The following SLFN12L variants were observed in gnomAD, a reference collection of about 807,000 sequenced individuals.
SLFN12L encodes the protein schlafen family member 12-like.
Under a neutral mutation model 34.8 loss-of-function variants are expected in SLFN12L, and 34 were observed. That is an observed-to-expected ratio of 0.98 (90% CI 0.74 to 1.30). The LOEUF is 1.30. Among genes scored for constraint, SLFN12L ranks in the 50% most tolerant of loss-of-function variants. The pLI, the probability that SLFN12L is intolerant of heterozygous loss-of-function variation, is 0.00. For missense variants in SLFN12L, 703 were observed against 696.2 expected (o/e 1.01, Z -0.11); for synonymous variants, 259 against 247.5 (o/e 1.05, Z -0.44).
At position 35,472,325 on chromosome 17, in the gene SLFN12L, G is replaced by T. The variant is rs1456941203; in HGVS notation, c.*2598C>A. 6.6e-6 allele frequency among the ~76,000 whole-genome samples: 1 copy of T among 152,136 alleles called. No homozygotes were observed. The highest frequency in any genetic ancestry group is 1.5e-5 in the Non-Finnish European group (1 of 68,024). On this transcript the variant is annotated 3_prime_UTR_variant, in exon 5 of 5. Coordinates refer to ENST00000628453, the MANE Select transcript of SLFN12L (RefSeq NM_001363830.2). ...AATTTTTGTATAAGGTGTAAGGAAGGGATCCAGTTTCAGTTTTCTGCATAT... is the reference window on the plus strand; with the variant it reads ...AATTTTTGTATAAGGTGTAAGGAAGTGATCCAGTTTCAGTTTTCTGCATAT...
Position 35,490,928 on chromosome 17 carries a change from A to G in SLFN12L, c.87-10733T>C. The G allele has an allele frequency of 1.0e-5, 8 of 791,272 alleles. No individual in the cohort carries two copies. In the Admixed American group the frequency reaches 1.4e-4, roughly 14 times the overall value. The allele number at this position is 791,272 out of a possible 1,614,324, so 49.0% of individuals were successfully genotyped here. On this transcript the variant is annotated intron_variant, in intron 2 of 4. Transcript: ENST00000628453. Reference sequence around the variant, plus strand: ...AACAAACAACCAAGACCCCAATGGGAATATCCTTAAACCCACCTCGTTGGT... The same window carrying G: ...AACAAACAACCAAGACCCCAATGGGGATATCCTTAAACCCACCTCGTTGGT...
At chr17:35,506,679 C>T (rs1453833480) in intron 2 of SLFN12L, among the ~76,000 whole-genome samples, 17 of 152,224 alleles carry the variant, frequency 1.1e-4, no homozygotes, top group Admixed American at 1.0e-3. Context: ...TGCAATAAGC[C>T]GAGCATGTAG....
intron 2 of SLFN12L, among the ~76,000 whole-genome samples, chr17:35,481,343 G>A (rs1914329982): frequency 6.6e-6 from 1 of 152,228 alleles, no homozygotes; most frequent in South Asian, 2.1e-4. Flanking sequence ...CCATCTGGAG[G>A]CCTAACCGTC....
In SLFN12L at chr17:35,475,454, T is replaced by C; in HGVS notation, c.1308A>G (p.Lys436=). The C allele has an allele frequency of 6.2e-7, 1 of 1,611,484 alleles. No homozygotes were observed. The part of the protein sequence containing the change: ...GLSEKITCAP[K]TFCRNLFSQH... ...GTGAGAACAGATTTCTGCAGAAGGTTTTTGGAGCACAAGTTATCTTTTCTG... is the reference window on the plus strand; with the variant it reads ...GTGAGAACAGATTTCTGCAGAAGGTCTTTGGAGCACAAGTTATCTTTTCTG... The change falls in exon 5 of 5, where the codon AAA becomes AAG. Residue 436 remains lysine, a synonymous_variant. Coordinates refer to ENST00000628453, the MANE Select transcript of SLFN12L (RefSeq NM_001363830.2).
intron 2 of SLFN12L, among the ~76,000 whole-genome samples, chr17:35,521,699 A>T (rs1916000453): frequency 6.6e-6 from 1 of 152,128 alleles, no homozygotes; most frequent in African/African-American, 2.4e-5. Context: ...TGAGCTACAT[A>T]ATTGTTTTTA....
intron 2 of SLFN12L, among the ~76,000 whole-genome samples, chr17:35,489,511 G>C (rs1021989041): frequency 2.0e-5 from 3 of 152,070 alleles, no homozygotes; most frequent in African/African-American, 7.2e-5. Flanking sequence ...CCGTGATCAG[G>C]CTACTGCACT....
intron 2 of SLFN12L, among the ~76,000 whole-genome samples, chr17:35,513,255 A>C (rs1246588475): frequency 1.3e-5 from 2 of 152,278 alleles, no homozygotes; most frequent in Admixed American, 1.3e-4. Context: ...CACCTAGTCA[A>C]ATGTTCACTT....
At chr17:35,518,143 A>G (rs895201995) in intron 2 of SLFN12L, among the ~76,000 whole-genome samples, 2 of 152,228 alleles carry the variant, frequency 1.3e-5, no homozygotes, top group African/African-American at 4.8e-5. Flanking sequence ...GCAATCTACC[A>G]TCTGACAAAG....
At position 35,490,099 on chromosome 17, in the gene SLFN12L, C is replaced by T. The variant is rs368775777; in HGVS notation, c.87-9904G>A. On this transcript the variant is annotated intron_variant, in intron 2 of 4. Transcript: ENST00000628453. ...CCACCGGCCCCCTCCTCCCCAGTGCCCCAGGCGCGGAGCAGACCGCCGGCA... is the reference window on the plus strand; with the variant it reads ...CCACCGGCCCCCTCCTCCCCAGTGCTCCAGGCGCGGAGCAGACCGCCGGCA... 3.1e-5 allele frequency: 50 copies of T among 1,606,874 alleles called. No individual in the cohort carries two copies. The East Asian group carries it at 3.1e-4, about 10-fold the overall frequency.
At chr17:35,487,273 A>T (rs1281864410) in intron 2 of SLFN12L, among the ~76,000 whole-genome samples, 1 of 152,252 alleles carries the variant, frequency 6.6e-6, no homozygotes, top group Non-Finnish European at 1.5e-5. Context: ...TCCCCAGCCC[A>T]CGCACGGGCG....
intron 2 of SLFN12L, among the ~76,000 whole-genome samples, chr17:35,509,092 C>G (rs1915556659): frequency 6.6e-6 from 1 of 152,078 alleles, no homozygotes; most frequent in African/African-American, 2.4e-5. Flanking sequence ...AGGAGAAGGG[C>G]TAAGACAGGA....
chr17:35,522,872 T>G lies in SLFN12L; in HGVS notation c.-508A>C. ...GGATCACAATTCCCCAGGAGAAAGG[T>G]TGGGTTTGCTTATTTATTAACTCCT... On this transcript the variant is annotated 5_prime_UTR_variant, in exon 2 of 5. Transcript: ENST00000628453. 1.1e-6 allele frequency: 1 copy of G among 894,646 alleles called. No individual in the cohort carries two copies. The highest frequency in any genetic ancestry group is 2.3e-5 in the Admixed American group (1 of 44,178). The allele number at this position is 894,646 out of a possible 1,614,324, so 55.4% of individuals were successfully genotyped here. A position where few individuals can be genotyped will look rare whatever the true frequency, so the allele number is the denominator to read the frequency against.
chr17:35,482,925 A>G lies in SLFN12L; in HGVS notation c.87-2730T>C, dbSNP rs568769597. 3.5e-3 allele frequency among the ~76,000 whole-genome samples: 529 copies of G among 152,174 alleles called. 6 individuals carry two copies. The highest frequency in any genetic ancestry group is 0.012 in the African/African-American group (500 of 41,536). Reference sequence around the variant, plus strand: ...ACACACTTCCTCCCCTCTGAGGTCCATAAAAGCCCTGGGCTCAGCCAGAGC... The same window carrying G: ...ACACACTTCCTCCCCTCTGAGGTCCGTAAAAGCCCTGGGCTCAGCCAGAGC... On this transcript the variant is annotated intron_variant, in intron 2 of 4. Transcript: ENST00000628453.
chr17:35,521,986 G>C (rs959083474), intron 2 of SLFN12L, among the ~76,000 whole-genome samples: 2 of 152,072 alleles, frequency 1.3e-5, no homozygotes, highest in African/African-American at 4.8e-5. Flanking sequence ...GAGGGGAGAG[G>C]GAGGGATAGC....
At chr17:35,514,591 C>A (rs1176519010) in intron 2 of SLFN12L, among the ~76,000 whole-genome samples, 1 of 152,178 alleles carries the variant, frequency 6.6e-6, no homozygotes, top group Non-Finnish European at 1.5e-5. Context: ...TCAAAATATG[C>A]TTTTCACTGG....
intron 2 of SLFN12L, chr17:35,489,916 C>A: frequency 9.4e-7 from 1 of 1,059,980 alleles, no homozygotes; most frequent in Non-Finnish European, 1.4e-6. Context: ...AGCACAGCAT[C>A]TTATGCTCCA....
intron 2 of SLFN12L, among the ~76,000 whole-genome samples, chr17:35,480,789 A>G (rs1914300645): frequency 6.6e-6 from 1 of 152,114 alleles, no homozygotes. Context: ...CCCTTTCCCT[A>G]TCAAACATCC....
intron 1 of SLFN12L, among the ~76,000 whole-genome samples, chr17:35,535,962 A>AGTTTGTTT (rs111617647): frequency 0.069 from 10,345 of 149,598 alleles, 479 homozygotes; most frequent in South Asian, 0.18. Context: ...GGCCCTGGCT[A>AGTTTGTTT]GTTTGTTTGT....
At chr17:35,514,947 G>A (rs1287418072) in intron 2 of SLFN12L, 3 of 431,874 alleles carry the variant, frequency 6.9e-6, no homozygotes, top group Non-Finnish European at 9.1e-6. Context: ...CCTTTAGCTA[G>A]GATCTCTTCA....
Sources: allele counts gnomAD v4.1 joint callset (sites outside exome capture counted in the v4.1 genomes callset), GRCh38; gene constraint gnomAD v4.1.1; transcripts MANE v1.5; gene names NCBI Gene and HGNC (gene_info 2026-07-23, HGNC 2026-07-21).